Variants in CAST observed in about 807,000 individuals in gnomAD.
CAST encodes the protein MIR583 host.
In CAST, 76 loss-of-function variants were observed where a neutral mutation model predicts 119.6. That is an observed-to-expected ratio of 0.64 (90% CI 0.53 to 0.77). The LOEUF is 0.77. Among genes scored for constraint, CAST ranks in the 30% least tolerant of loss-of-function variants. The probability of loss-of-function intolerance (pLI) is 0.00; values close to 1 mark genes in which losing one functional copy is unlikely to be tolerated. For missense variants in CAST, 953 were observed against 946.5 expected (o/e 1.01, Z -0.09); for synonymous variants, 319 against 331.6 (o/e 0.96, Z 0.41).
the CAST span, among the ~76,000 whole-genome samples, chr5:96,449,164 A>G: frequency 2.6e-5 from 4 of 152,240 alleles, no homozygotes; most frequent in Admixed American, 6.5e-5. Context: ...TTAACCACCA[A>G]TGCAGTCTTG....
the CAST span, among the ~76,000 whole-genome samples, chr5:96,382,907 A>G: frequency 6.6e-6 from 1 of 152,142 alleles, no homozygotes; most frequent in Non-Finnish European, 1.5e-5. Flanking sequence ...TGGCTTCCCA[A>G]TTTCTAATTT....
chr5:96,640,009 AG>A (rs1747931456), intron 1 of CAST, among the ~76,000 whole-genome samples: 1 of 152,162 alleles, frequency 6.6e-6, no homozygotes, highest in Non-Finnish European at 1.5e-5. Flanking sequence ...TGAGTAAACC[AG>A]AAAAAAAAGA....
At chr5:96,460,106 C>T in the CAST span, among the ~76,000 whole-genome samples, 54 of 152,094 alleles carry the variant, frequency 3.6e-4, no homozygotes, top group African/African-American at 8.4e-4. Context: ...GTAGCCCTGA[C>T]GCCACTGAAG....
the CAST span, among the ~76,000 whole-genome samples, chr5:96,473,754 A>G: frequency 3.3e-5 from 5 of 152,210 alleles, no homozygotes; most frequent in Non-Finnish European, 7.3e-5. Context: ...TTAGGAGGTG[A>G]GTACAACTGA....
the CAST span, chr5:95,961,559 C>A: frequency 6.4e-7 from 1 of 1,568,124 alleles, no homozygotes; most frequent in Non-Finnish European, 8.6e-7. Context: ...CCCAGCCTGC[C>A]GGCCGGCCCG....
chr5:96,119,386 A>T, the CAST span, among the ~76,000 whole-genome samples: 1 of 152,258 alleles, frequency 6.6e-6, no homozygotes, highest in East Asian at 1.9e-4. Flanking sequence ...GTTTCACATT[A>T]AAAAAATCTG....
chr5:96,694,640 A>T (rs1753076217), intron 2 of CAST, among the ~76,000 whole-genome samples: 1 of 151,846 alleles, frequency 6.6e-6, no homozygotes, highest in Non-Finnish European at 1.5e-5. Flanking sequence ...CAAAAAAACA[A>T]ACAAACAAAC....
intron 1 of CAST, among the ~76,000 whole-genome samples, chr5:96,644,045 C>T (rs1413399995): frequency 7.2e-6 from 1 of 139,348 alleles, no homozygotes; most frequent in Non-Finnish European, 1.6e-5. Context: ...GGTTCCGTCT[C>T]AAAAACAAAA....
intron 1 of CAST, among the ~76,000 whole-genome samples, chr5:96,598,734 T>G (rs1031470346): frequency 3.9e-5 from 6 of 152,178 alleles, no homozygotes; most frequent in Non-Finnish European, 8.8e-5. Flanking sequence ...GAGATTAACA[T>G]TTGAATCAGT....
At chr5:96,455,079 G>A in the CAST span, among the ~76,000 whole-genome samples, 1 of 152,092 alleles carries the variant, frequency 6.6e-6, no homozygotes, top group African/African-American at 2.4e-5. Flanking sequence ...AATAACGCAG[G>A]CATATGGCAA....
chr5:96,524,103 T>C (rs1745561429), upstream of CAST, among the ~76,000 whole-genome samples: 1 of 152,198 alleles, frequency 6.6e-6, no homozygotes, highest in South Asian at 2.1e-4. Flanking sequence ...GGATAGATCA[T>C]TGAATTTCTT....
chr5:96,319,623 T>C, the CAST span, among the ~76,000 whole-genome samples: 2 of 152,152 alleles, frequency 1.3e-5, no homozygotes, highest in African/African-American at 4.8e-5. Flanking sequence ...GTGAAAACAA[T>C]GTGAGATGAG....
chr5:96,224,347 T>C, the CAST span, among the ~76,000 whole-genome samples: 3 of 152,210 alleles, frequency 2.0e-5, no homozygotes, highest in Non-Finnish European at 4.4e-5. Context: ...GGCCCTAATC[T>C]CTGGAACCTG....
the CAST span, among the ~76,000 whole-genome samples, chr5:95,997,987 T>G: frequency 7.0e-6 from 1 of 143,124 alleles, no homozygotes; most frequent in Non-Finnish European, 1.5e-5. Flanking sequence ...TTTTTTTTTT[T>G]CCTTTGCGGG....
the CAST span, among the ~76,000 whole-genome samples, chr5:96,347,701 T>C: frequency 2.0e-5 from 3 of 152,078 alleles, no homozygotes; most frequent in African/African-American, 7.2e-5. Flanking sequence ...CACACCAAGT[T>C]CCTAAGAGTC....
chr5:96,494,912 TC>T, the CAST span, among the ~76,000 whole-genome samples: 1 of 151,808 alleles, frequency 6.6e-6, no homozygotes, highest in African/African-American at 2.4e-5. Context: ...GGTCAGGAGC[TC>T]GAGACCATCC....
the CAST span, among the ~76,000 whole-genome samples, chr5:95,968,517 G>C: frequency 6.6e-6 from 1 of 152,072 alleles, no homozygotes; most frequent in African/African-American, 2.4e-5. Context: ...ATTTAATAAG[G>C]AATCTTTGGT....
chr5:96,006,379 C>CAAA, the CAST span, among the ~76,000 whole-genome samples: 1 of 145,986 alleles, frequency 6.8e-6, no homozygotes, highest in African/African-American at 2.5e-5. Context: ...AGAAAAATCG[C>CAAA]AAAAAAAAAA....
intron 24 of CAST, 119 bp downstream of exon 24, chr5:96,757,773 C>G (rs1249314651): frequency 3.0e-6 from 2 of 663,306 alleles, no homozygotes; most frequent in Non-Finnish European, 5.2e-6. Flanking sequence ...TCACCGCAAC[C>G]TCCACCTTCC....
Sources: allele counts gnomAD v4.1 joint callset (sites outside exome capture counted in the v4.1 genomes callset), GRCh38; gene constraint gnomAD v4.1.1; transcripts MANE v1.5; gene names NCBI Gene and HGNC (gene_info 2026-07-23, HGNC 2026-07-21).